Variants in EYS observed in about 807,000 individuals in gnomAD.
EYS encodes protein eyes shut homolog.
A neutral mutation model predicts 282.1 loss-of-function variants in EYS; 250 were observed. That is an observed-to-expected ratio of 0.89 (90% confidence interval 0.80 to 0.98). The LOEUF is 0.98. Among genes scored for constraint, EYS ranks in the 50% least tolerant of loss-of-function variants. The pLI is 0.00. For synonymous variants in EYS, 1,355 were observed against 1,282.9 expected (o/e 1.06, Z -1.20); for missense variants, 4,016 against 3,709.0 (o/e 1.08, Z -2.15).
At chr6:64,937,939 C>T (rs953703675) in intron 15 of EYS, among the ~76,000 whole-genome samples, 1 of 151,336 alleles carries the variant, frequency 6.6e-6, no homozygotes, top group Non-Finnish European at 1.5e-5. Flanking sequence ...TGTTATCTGG[C>T]CATAAAAAAG....
At chr6:64,562,005 G>A (rs1443042422) in intron 26 of EYS, among the ~76,000 whole-genome samples, 1 of 150,814 alleles carries the variant, frequency 6.6e-6, no homozygotes, top group Non-Finnish European at 1.5e-5. Context: ...ATACTACAAG[G>A]CAACAGTAAC....
intron 12 of EYS, among the ~76,000 whole-genome samples, chr6:65,084,421 G>A (rs1774308641): frequency 1.3e-5 from 2 of 152,110 alleles, no homozygotes; most frequent in African/African-American, 4.8e-5. Flanking sequence ...CACTCAAATT[G>A]CCAATTTAAA....
intron 36 of EYS, among the ~76,000 whole-genome samples, chr6:63,849,352 C>T (rs547862707): frequency 6.6e-6 from 1 of 152,314 alleles, no homozygotes; most frequent in Non-Finnish European, 1.5e-5. Context: ...GGACAGACTA[C>T]CTCCTCAAAT....
intron 34 of EYS, among the ~76,000 whole-genome samples, chr6:63,994,321 G>A (rs1239324968): frequency 6.6e-6 from 1 of 151,884 alleles, no homozygotes; most frequent in Non-Finnish European, 1.5e-5. Context: ...AGATAAATAT[G>A]TTCAATCTGC....
At chr6:64,445,545 TA>T (rs1319039529) in intron 26 of EYS, among the ~76,000 whole-genome samples, 5 of 152,100 alleles carry the variant, frequency 3.3e-5, no homozygotes, top group African/African-American at 7.2e-5. Context: ...TGAAATAGGT[TA>T]AATAAAAGGA....
At chr6:64,645,487 G>T (rs184097589) in intron 22 of EYS, among the ~76,000 whole-genome samples, 127 of 152,272 alleles carry the variant, frequency 8.3e-4, no homozygotes, top group African/African-American at 3.0e-3. Flanking sequence ...AAATAGTAAA[G>T]GTGTGGAATA....
At chr6:65,129,844 A>AGACACAT (rs1322348646) in intron 12 of EYS, among the ~76,000 whole-genome samples, 1 of 151,990 alleles carries the variant, frequency 6.6e-6, no homozygotes, top group Non-Finnish European at 1.5e-5. Context: ...TCTGCCAAAA[A>AGACACAT]GACACATGCA....
intron 5 of EYS, among the ~76,000 whole-genome samples, chr6:65,474,125 CAAAGTT>C (rs767016345): frequency 7.0e-4 from 106 of 151,984 alleles, no homozygotes; most frequent in Non-Finnish European, 1.5e-3. Context: ...CAGTAAATGA[CAAAGTT>C]AAAGCAGTAG....
In EYS at chr6:64,591,893, T is replaced by C; in HGVS notation, c.3974A>G (p.Gln1325Arg). ...ISTPLESYLL[Q>R]ELIVTRELSA... ...AAGCTCTCTAGTGACAATCAGTTCT[T>C]GGAGTAAGTAGCTTTCCAAGGGTGT... The change falls in exon 26 of 43, where the codon CAA becomes CGA. Residue 1325 changes from glutamine to arginine, a missense_variant. Coordinates refer to ENST00000503581, the MANE Select transcript of EYS (RefSeq NM_001142800.2). The C allele has an allele frequency of 6.4e-7, 1 of 1,550,868 alleles. No homozygotes were observed. The highest frequency in any genetic ancestry group is 1.2e-5 in the South Asian group (1 of 83,988).
At chr6:63,842,490 G>A (rs576002908) in intron 36 of EYS, among the ~76,000 whole-genome samples, 2 of 152,196 alleles carry the variant, frequency 1.3e-5, no homozygotes, top group African/African-American at 2.4e-5. Flanking sequence ...TAAGTTCCTT[G>A]TAGATTCTGG....
At chr6:63,893,127 TG>T (rs1476699286) in intron 35 of EYS, among the ~76,000 whole-genome samples, 1 of 152,154 alleles carries the variant, frequency 6.6e-6, no homozygotes, top group African/African-American at 2.4e-5. Context: ...ACACTGTTGG[TG>T]GGAGGGTAAA....
chr6:64,338,978 A>C (rs1335259943), intron 29 of EYS, among the ~76,000 whole-genome samples: 3 of 148,506 alleles, frequency 2.0e-5, no homozygotes. Flanking sequence ...TATACAAAAA[A>C]TCAGCTCAAG....
chr6:63,830,171 G>A (rs1321100016), intron 36 of EYS, among the ~76,000 whole-genome samples: 2 of 152,294 alleles, frequency 1.3e-5, no homozygotes, highest in East Asian at 1.9e-4. Flanking sequence ...TCCTCCAAAG[G>A]AAAACAGCTC....
intron 26 of EYS, among the ~76,000 whole-genome samples, chr6:64,470,481 C>G (rs1307484626): frequency 6.6e-6 from 1 of 152,094 alleles, no homozygotes; most frequent in Non-Finnish European, 1.5e-5. Context: ...AAAATACAAT[C>G]AAGATCTTCA....
At chr6:65,325,189 C>T (rs2150307845) in intron 11 of EYS, among the ~76,000 whole-genome samples, 1 of 152,240 alleles carries the variant, frequency 6.6e-6, no homozygotes. Context: ...CATAATTCTC[C>T]TTTCTCCCTC....
intron 29 of EYS, among the ~76,000 whole-genome samples, chr6:64,365,698 A>C (rs972314969): frequency 3.3e-5 from 5 of 152,110 alleles, no homozygotes; most frequent in African/African-American, 1.2e-4. Context: ...TATACCTATG[A>C]TAAAGTTTAA....
At chr6:65,508,582 G>A (rs1235026297) in intron 2 of EYS, among the ~76,000 whole-genome samples, 1 of 150,370 alleles carries the variant, frequency 6.7e-6, no homozygotes, top group African/African-American at 2.5e-5. Flanking sequence ...GCTGAGGCAA[G>A]GGAATGATGT....
chr6:65,324,301 T>A (rs377544178), intron 11 of EYS, among the ~76,000 whole-genome samples: 2 of 152,316 alleles, frequency 1.3e-5, no homozygotes, highest in Admixed American at 6.5e-5. Context: ...GACTTTGTTT[T>A]ATTTGTTGTA....
chr6:65,524,392 G>A (rs748442258), intron 2 of EYS, among the ~76,000 whole-genome samples: 7 of 152,186 alleles, frequency 4.6e-5, no homozygotes, highest in Non-Finnish European at 8.8e-5. Context: ...ACAGAAACAG[G>A]AAGTAAGCAT....
Sources: gnomAD v4.1 joint callset for allele counts (sites outside exome capture counted in the v4.1 genomes callset) on GRCh38, gnomAD v4.1.1 for gene constraint, MANE v1.5 for transcripts, NCBI Gene and HGNC (gene_info 2026-07-23, HGNC 2026-07-21) for gene names.